The following CDK15 variants were observed in gnomAD, a reference collection of about 807,000 sequenced individuals.
CDK15 encodes the protein cyclin dependent kinase 15, also known as cyclin-dependent kinase 15.
A neutral mutation model predicts 60.3 loss-of-function variants in CDK15; 62 were observed. The ratio of observed to expected loss-of-function variants is 1.03; its 90% confidence interval spans 0.84 to 1.27. The LOEUF is 1.27. CDK15 is among the 50% of genes most tolerant of loss of function. The pLI, the probability that CDK15 is intolerant of heterozygous loss-of-function variation, is 0.00. For synonymous variants in CDK15, 194 were observed against 195.7 expected (o/e 0.99, Z 0.07); for missense variants, 541 against 527.8 (o/e 1.03, Z -0.25).
intron 10 of CDK15, among the ~76,000 whole-genome samples, chr2:201,859,861 A>G (rs1698310745): frequency 6.6e-6 from 1 of 152,222 alleles, no homozygotes; most frequent in Non-Finnish European, 1.5e-5. Flanking sequence ...CTTAGAAATC[A>G]GTTTGCTACA....
At chr2:201,812,181 A>C (rs113092114) in intron 3 of CDK15, among the ~76,000 whole-genome samples, 1 of 145,594 alleles carries the variant, frequency 6.9e-6, no homozygotes, top group East Asian at 1.9e-4. Flanking sequence ...CTCAAAAAAA[A>C]AAAAAAAAAA....
intron 9 of CDK15, among the ~76,000 whole-genome samples, chr2:201,851,247 G>A (rs528879546): frequency 5.0e-5 from 7 of 139,014 alleles, no homozygotes; most frequent in East Asian, 2.2e-4. Context: ...AGACGAGATC[G>A]TGCCACTGCA....
intron 4 of CDK15, among the ~76,000 whole-genome samples, chr2:201,818,842 CTT>C (rs1696096970): frequency 6.6e-6 from 1 of 152,118 alleles, no homozygotes; most frequent in Admixed American, 6.6e-5. Flanking sequence ...CAGAAACACC[CTT>C]TACCAACCAA....
chr2:201,833,930 T>TA lies in CDK15; in HGVS notation c.690dup (p.Leu231ThrfsTer12), dbSNP rs1423036415. 1 of 1,613,980 alleles carries TA rather than the reference T, an allele frequency of 6.2e-7. No homozygotes were observed. Among genetic ancestry groups the TA allele is most frequent in the East Asian group, 2.2e-5 (1 of 44,870 alleles). On this transcript the variant is annotated frameshift_variant, in exon 7 of 14. Coordinates refer to ENST00000652192, the MANE Select transcript of CDK15 (RefSeq NM_001366386.2). LOFTEE classifies it high-confidence loss of function. ...CACAGGGACCTGAAACCTCAGAACT[T>TA]ACTCATCAGTCACCTGGGAGAGCTC...
At chr2:201,841,159 T>G (rs1201475547) in intron 8 of CDK15, among the ~76,000 whole-genome samples, 1 of 152,196 alleles carries the variant, frequency 6.6e-6, no homozygotes, top group Non-Finnish European at 1.5e-5. Context: ...AATTGCAGTT[T>G]TTGCCATTAA....
Position 201,822,915 on chromosome 2 carries a change from G to A in CDK15, c.543+12G>A, listed in dbSNP as rs762932913. 9.1e-6 allele frequency: 14 copies of A among 1,533,032 alleles called. No individual in the cohort carries two copies. The highest frequency in any genetic ancestry group is 1.7e-4 in the Middle Eastern group (1 of 5,946). 95.0% of individuals were successfully genotyped at this position (1,533,032 alleles called of 1,614,324 possible). On this transcript the variant is annotated intron_variant, in intron 5 of 13. Coordinates refer to ENST00000652192, the MANE Select transcript of CDK15 (RefSeq NM_001366386.2). Reference sequence around the variant, plus strand: ...TTTTTGAATACATGGTGAGTTGTTCGAGCATTTTACAACACTTGAGAAAAA... The same window carrying A: ...TTTTTGAATACATGGTGAGTTGTTCAAGCATTTTACAACACTTGAGAAAAA...
chr2:201,826,458 C>CAAAAAAAAA (rs373198183), intron 6 of CDK15, among the ~76,000 whole-genome samples: 1 of 78,198 alleles, frequency 1.3e-5, no homozygotes, highest in Non-Finnish European at 2.2e-5. Context: ...GACTGCGTCT[C>CAAAAAAAAA]AAAAAAAAAA....
intron 3 of CDK15, among the ~76,000 whole-genome samples, chr2:201,812,186 A>C (rs1181688489): frequency 0.023 from 3,481 of 149,116 alleles, 117 homozygotes; most frequent in African/African-American, 0.081. Flanking sequence ...AAAAAAAAAA[A>C]AAAAACAAAA....
chr2:201,890,744 G>A, intron 12 of CDK15, 41 bp from the exon 13 acceptor site: 1 of 1,470,888 alleles, frequency 6.8e-7, no homozygotes. Context: ...GAAGATCCCA[G>A]GAAATAACAT....
chr2:201,888,681 C>T, intron 12 of CDK15: 7 of 1,332,396 alleles, frequency 5.3e-6, no homozygotes, highest in Non-Finnish European at 5.7e-6. Flanking sequence ...TTTGATTAAC[C>T]GGTTGCCTTC....
chr2:201,885,918 G>A (rs910106918), intron 12 of CDK15, among the ~76,000 whole-genome samples: 1 of 152,208 alleles, frequency 6.6e-6, no homozygotes, highest in African/African-American at 2.4e-5. Flanking sequence ...ACAGCTGGAA[G>A]TCAGGTAGGC....
In CDK15 at chr2:201,882,218, A is replaced by T. The variant is rs368380086; in HGVS notation, c.1198+2051A>T. 1.8e-4 allele frequency among the ~76,000 whole-genome samples: 25 copies of T among 140,984 alleles called. No individual in the cohort carries two copies. Among genetic ancestry groups the T allele is most frequent in the East Asian group, 2.6e-4 (1 of 3,878 alleles). 92.5% of individuals were successfully genotyped at this position (140,984 alleles called of 152,430 possible). A position where few individuals can be genotyped will look rare whatever the true frequency, so the allele number is the denominator to read the frequency against. On this transcript the variant is annotated intron_variant, in intron 12 of 13. Coordinates refer to ENST00000652192, the MANE Select transcript of CDK15 (RefSeq NM_001366386.2). This position sits in a 1 kb window ranked among gnomAD's most constrained non-coding sequence, Gnocchi z 4.0. ...GTGCGTATGTGTGTGTGTGTGTGTGAGAGAGAGACAGAGAGAACAATCTGT... is the reference window on the plus strand; with the variant it reads ...GTGCGTATGTGTGTGTGTGTGTGTGTGAGAGAGACAGAGAGAACAATCTGT...
At chr2:201,852,396 T>C (rs1697951720) in intron 9 of CDK15, among the ~76,000 whole-genome samples, 1 of 152,208 alleles carries the variant, frequency 6.6e-6, no homozygotes, top group Non-Finnish European at 1.5e-5. Flanking sequence ...CATTGAGAAG[T>C]CCTGAGTCTC....
rs1695585818 is a variant in CDK15 at position 201,807,846 on chromosome 2, C to A, written c.274-12C>A. ...CTTTCACCCGCTCCTTTTCCCCATT[C>A]CCCTAGAGCAGAGGAAGAGCCTCCC... On this transcript the variant is annotated splice_polypyrimidine_tract_variant and intron_variant, in intron 2 of 13. Coordinates refer to ENST00000652192, the MANE Select transcript of CDK15 (RefSeq NM_001366386.2). 1.2e-6 allele frequency: 2 copies of A among 1,606,724 alleles called. No individual in the cohort carries two copies. Among genetic ancestry groups the A allele is most frequent in the Non-Finnish European group, 1.7e-6 (2 of 1,177,670 alleles).
intron 11 of CDK15, among the ~76,000 whole-genome samples, chr2:201,877,460 G>A (rs901488810): frequency 2.0e-5 from 3 of 152,108 alleles, no homozygotes; most frequent in Non-Finnish European, 4.4e-5. Flanking sequence ...CAGAAAGCAT[G>A]AAGCCTGCAG....
intron 11 of CDK15, among the ~76,000 whole-genome samples, chr2:201,872,694 GT>G (rs1698900847): frequency 2.0e-5 from 3 of 150,462 alleles, no homozygotes; most frequent in Admixed American, 6.6e-5. Context: ...ATTCATGGGG[GT>G]CATGCTTTCC....
At chr2:201,885,400 T>G (rs1216855137) in intron 12 of CDK15, among the ~76,000 whole-genome samples, 1 of 152,212 alleles carries the variant, frequency 6.6e-6, no homozygotes, top group Non-Finnish European at 1.5e-5. Flanking sequence ...CTCTTGACTC[T>G]GTGCTACTTC....
intron 11 of CDK15, among the ~76,000 whole-genome samples, 164 bp from the exon 12 acceptor site, chr2:201,879,863 AT>A (rs1334616255): frequency 5.9e-5 from 9 of 152,158 alleles, no homozygotes; most frequent in African/African-American, 2.2e-4. Flanking sequence ...AGAGTTTAGT[AT>A]GGGGGTTACT....
At position 201,853,700 on chromosome 2, in the gene CDK15, T is replaced by C. The variant is rs186757687; in HGVS notation, c.946-1174T>C. 3.9e-3 allele frequency among the ~76,000 whole-genome samples: 581 copies of C among 149,482 alleles called. 4 individuals are homozygous for C. The highest frequency in any genetic ancestry group is 5.8e-3 in the Non-Finnish European group (396 of 67,706). On this transcript the variant is annotated intron_variant, in intron 9 of 13. Coordinates refer to ENST00000652192, the MANE Select transcript of CDK15 (RefSeq NM_001366386.2). ...ACAATGTTACTCTGTCTCCCATATA[T>C]AACTGTCTATGGGCTTTTATGATTA...
Sources: allele counts gnomAD v4.1 joint callset (sites outside exome capture counted in the v4.1 genomes callset), GRCh38; gene constraint gnomAD v4.1.1; non-coding constraint Gnocchi (gnomAD v3.1); transcripts MANE v1.5; gene names NCBI Gene and HGNC (gene_info 2026-07-23, HGNC 2026-07-21).